Variants in RELN observed in about 807,000 individuals in gnomAD.
RELN encodes the protein reelin.
Under a neutral mutation model 427.6 loss-of-function variants are expected in RELN, and 108 were observed. The ratio of observed to expected loss-of-function variants is 0.25; its 90% CI spans 0.22 to 0.30. The LOEUF is 0.30. Among genes scored for constraint, RELN ranks in the 10% least tolerant of loss-of-function variants. The probability of loss-of-function intolerance (pLI) is 1.00; values close to 1 mark genes in which losing one functional copy is unlikely to be tolerated. For missense variants in RELN, 3,715 were observed against 4,302.8 expected, an observed-to-expected ratio of 0.86 and a Z score of 3.82; for synonymous variants, 1,524 against 1,513.4, an observed-to-expected ratio of 1.01 and a Z score of -0.16.
At chr7:103,664,476 G>A (rs1833214141) in intron 11 of RELN, among the ~76,000 whole-genome samples, 1 of 152,288 alleles carries the variant, frequency 6.6e-6, no homozygotes, top group African/African-American at 2.4e-5. Context: ...GTGTTCTGGG[G>A]TTATCACGAA....
At chr7:103,892,087 C>T (rs915095660) in intron 2 of RELN, among the ~76,000 whole-genome samples, 1 of 152,234 alleles carries the variant, frequency 6.6e-6, no homozygotes, top group African/African-American at 2.4e-5. Flanking sequence ...AGCCATACAA[C>T]TATTTTTCAC....
At chr7:103,566,189 C>A in intron 33 of RELN, 35 bp downstream of exon 33, 2 of 1,538,124 alleles carry the variant, frequency 1.3e-6, no homozygotes, top group South Asian at 2.2e-5. Flanking sequence ...TCTAGTTAAT[C>A]AGATATTTTC....
intron 1 of RELN, among the ~76,000 whole-genome samples, chr7:103,936,418 T>C (rs1045083419): frequency 1.3e-5 from 2 of 152,060 alleles, no homozygotes; most frequent in Non-Finnish European, 2.9e-5. Context: ...GTTTCAGTGT[T>C]CATTCTAGTG....
At chr7:103,683,663 A>G (rs1423079486) in intron 10 of RELN, among the ~76,000 whole-genome samples, 1 of 152,214 alleles carries the variant, frequency 6.6e-6, no homozygotes, top group Non-Finnish European at 1.5e-5. Flanking sequence ...TATAGCATAT[A>G]AAATTATGTA....
chr7:103,820,632 T>C (rs1359203733), intron 3 of RELN, among the ~76,000 whole-genome samples: 2 of 152,138 alleles, frequency 1.3e-5, no homozygotes, highest in African/African-American at 4.8e-5. Context: ...TAAGTGTCCA[T>C]TCATAACGTT....
intron 7 of RELN, 142 bp from the exon 8 acceptor site, chr7:103,723,333 T>A (rs1394475904): frequency 3.0e-6 from 2 of 661,282 alleles, no homozygotes; most frequent in African/African-American, 3.6e-5. Context: ...TATCCAGTTG[T>A]TAGTTCATTT....
intron 1 of RELN, among the ~76,000 whole-genome samples, chr7:103,920,191 T>A (rs2116679866): frequency 1.3e-5 from 2 of 152,322 alleles, no homozygotes; most frequent in South Asian, 2.1e-4. Flanking sequence ...TCCATAGTGA[T>A]TGTCACTTTA....
At chr7:103,690,747 T>C (rs3753112) in intron 10 of RELN, among the ~76,000 whole-genome samples, 71,662 of 151,886 alleles carry the variant, frequency 0.47, 17,309 homozygotes, top group South Asian at 0.63. Context: ...GGGGAGCTTT[T>C]GAACTTGTAG....
intron 3 of RELN, among the ~76,000 whole-genome samples, chr7:103,830,185 TATC>T (rs1793242319): frequency 6.7e-6 from 1 of 150,180 alleles, no homozygotes. Flanking sequence ...TAAAATATAA[TATC>T]ATTATTAGCT....
In RELN at chr7:103,488,009, A is replaced by G. The variant is rs565109507; in HGVS notation, c.9764-1593T>C. Among the ~76,000 whole-genome samples the G allele has an allele frequency of 3.9e-5, 6 of 152,184 alleles. No individual in the cohort carries two copies. In the South Asian group the frequency reaches 1.2e-3, roughly 32 times the overall value. On this transcript the variant is annotated intron_variant, in intron 60 of 64. Transcript: ENST00000428762. ...AAATACAAAAGAAGATGAGCTGGGC[A>G]TGGTGGCATGTGCCTGTAATCCCAG...
chr7:103,757,734 A>G (rs1381870799), intron 4 of RELN, among the ~76,000 whole-genome samples: 1 of 152,144 alleles, frequency 6.6e-6, no homozygotes, highest in Non-Finnish European at 1.5e-5. Context: ...ACAGAGGGAG[A>G]TGCACTAGGG....
At chr7:103,793,573 T>C (rs1470143450) in intron 3 of RELN, among the ~76,000 whole-genome samples, 2 of 152,214 alleles carry the variant, frequency 1.3e-5, no homozygotes, top group Admixed American at 6.5e-5. Flanking sequence ...TTACCAGCTC[T>C]GTCATTAGTA....
At chr7:103,877,194 C>G (rs1420524675) in intron 2 of RELN, among the ~76,000 whole-genome samples, 1 of 152,150 alleles carries the variant, frequency 6.6e-6, no homozygotes, top group African/African-American at 2.4e-5. Context: ...AGGGTGATCT[C>G]ATCTACTCCT....
chr7:103,491,028 C>T (rs1258506349), intron 58 of RELN, among the ~76,000 whole-genome samples, 199 bp from the exon 59 acceptor site: 1 of 152,104 alleles, frequency 6.6e-6, no homozygotes, highest in African/African-American at 2.4e-5. Flanking sequence ...TTTAAAAGCA[C>T]ACGGACAACA....
intron 11 of RELN, among the ~76,000 whole-genome samples, chr7:103,662,860 G>T (rs1833175050): frequency 6.6e-6 from 1 of 152,008 alleles, no homozygotes; most frequent in Non-Finnish European, 1.5e-5. Context: ...GTCTTTCAGG[G>T]GCTCCCCCAT....
chr7:103,928,289 A>G (rs1297290756), intron 1 of RELN, among the ~76,000 whole-genome samples: 1 of 152,244 alleles, frequency 6.6e-6, no homozygotes, highest in African/African-American at 2.4e-5. Context: ...TAGTCAAATA[A>G]TGAATATTTG....
intron 20 of RELN, among the ~76,000 whole-genome samples, chr7:103,619,231 T>C (rs1322401569): frequency 1.3e-5 from 2 of 152,060 alleles, no homozygotes; most frequent in East Asian, 3.9e-4. Flanking sequence ...GAGATAGAAT[T>C]GGGGGGAATG....
At chr7:103,980,005 T>C (rs911438513) in intron 1 of RELN, among the ~76,000 whole-genome samples, 6 of 151,918 alleles carry the variant, frequency 3.9e-5, no homozygotes, top group African/African-American at 1.5e-4. Flanking sequence ...CTACTAAAAA[T>C]ACAAAATTAG....
intron 14 of RELN, among the ~76,000 whole-genome samples, chr7:103,652,264 T>G (rs75152951): frequency 6.6e-6 from 1 of 151,406 alleles, no homozygotes; most frequent in Non-Finnish European, 1.5e-5. Context: ...TTTTTTTTTT[T>G]TCTCTCTTAG....
Sources: gnomAD v4.1 joint callset for allele counts (sites outside exome capture counted in the v4.1 genomes callset) on GRCh38, gnomAD v4.1.1 for gene constraint, MANE v1.5 for transcripts, NCBI Gene and HGNC (gene_info 2026-07-23, HGNC 2026-07-21) for gene names.